The following SLC24A5 variants were observed in gnomAD, a reference collection of about 807,000 sequenced individuals.
The protein encoded by SLC24A5 is solute carrier family 24 member 5, also known as sodium/potassium/calcium exchanger 5.
In SLC24A5, 46 loss-of-function variants were observed where a neutral mutation model predicts 51.6. That is an observed-to-expected ratio of 0.89 (90% CI 0.70 to 1.14). The LOEUF (loss-of-function observed/expected upper bound fraction) is 1.14, where lower values mean the gene tolerates loss of function less well. Among genes scored for constraint, SLC24A5 ranks in the 50% most tolerant of loss-of-function variants. The probability of loss-of-function intolerance (pLI) is 0.00; values close to 1 mark genes in which losing one functional copy is unlikely to be tolerated. For missense variants in SLC24A5, 581 were observed against 604.1 expected, an observed-to-expected ratio of 0.96 and a Z score of 0.40; for synonymous variants, 230 against 214.9, an observed-to-expected ratio of 1.07 and a Z score of -0.62.
At chr15:48,135,212 A>T (rs554406418) in intron 5 of SLC24A5, 36 of 352,974 alleles carry the variant, frequency 1.0e-4, no homozygotes, top group Non-Finnish European at 1.6e-4. Flanking sequence ...CTCACTAGTC[A>T]CTGGAGACCA....
chr15:48,141,067 T>C, intron 7 of SLC24A5, 46 bp from the exon 8 acceptor site: 1 of 1,443,876 alleles, frequency 6.9e-7, no homozygotes, highest in Non-Finnish European at 9.7e-7. Flanking sequence ...AAAGGATGGT[T>C]AGTGAATCTT....
At chr15:48,132,733 T>A (rs2038804243) in intron 2 of SLC24A5, among the ~76,000 whole-genome samples, 1 of 152,046 alleles carries the variant, frequency 6.6e-6, no homozygotes, top group Admixed American at 6.6e-5. Flanking sequence ...ATTTTCAAAA[T>A]CTGGGGACTG....
Position 48,136,733 on chromosome 15 carries a change from T to G in SLC24A5, c.641T>G (p.Leu214Arg). The G allele has an allele frequency of 6.2e-7, 1 of 1,613,468 alleles. No individual in the cohort carries two copies. Among genetic ancestry groups the G allele is most frequent in the Non-Finnish European group, 8.5e-7 (1 of 1,179,704 alleles). ...LLIYGLYVLV[L>R]CFDIKINQYI... ...ATATATGGATTGTATGTTTTGGTGCTGTGTTTTGACATTAAAATTAACCAA... is the reference window on the plus strand; with the variant it reads ...ATATATGGATTGTATGTTTTGGTGCGGTGTTTTGACATTAAAATTAACCAA... The change falls in exon 6 of 9, where the codon CTG becomes CGG. Residue 214 changes from leucine (L) to arginine (R), a missense_variant. Leu to Arg is a moderately radical substitution (Grantham distance 102). Transcript: ENST00000341459.
intron 2 of SLC24A5, among the ~76,000 whole-genome samples, chr15:48,132,965 T>C (rs1282839242): frequency 6.6e-6 from 1 of 152,018 alleles, no homozygotes; most frequent in Non-Finnish European, 1.5e-5. Context: ...TATTGTAATA[T>C]ACAATCTGCC....
intron 5 of SLC24A5, 44 bp downstream of exon 5, chr15:48,135,028 G>T: frequency 6.8e-7 from 1 of 1,472,854 alleles, no homozygotes; most frequent in South Asian, 1.2e-5. Flanking sequence ...GAGATTTTAT[G>T]AATTTCTGAT....
At chr15:48,141,082 AT>A in intron 7 of SLC24A5, 30 bp from the exon 8 acceptor site, 1 of 1,550,422 alleles carries the variant, frequency 6.4e-7, no homozygotes, top group South Asian at 1.1e-5. Context: ...AATCTTTAAG[AT>A]TTGTAACTTG....
chr15:48,135,921 G>A (rs2038887389), intron 5 of SLC24A5: 1 of 152,096 alleles, frequency 6.6e-6, no homozygotes, highest in African/African-American at 2.4e-5. Flanking sequence ...GTGACTGTGA[G>A]AGTATCCAAG....
chr15:48,138,469 C>T (rs1282085070), intron 6 of SLC24A5: 1 of 152,104 alleles, frequency 6.6e-6, no homozygotes, highest in African/African-American at 2.4e-5. Context: ...AAAAAAACCA[C>T]TTCCACTAAG....
At chr15:48,134,396 A>C in intron 3 of SLC24A5, 39 bp from the exon 4 acceptor site, 2 of 1,609,358 alleles carry the variant, frequency 1.2e-6, no homozygotes, top group Non-Finnish European at 1.7e-6. Flanking sequence ...TATTTTCTTC[A>C]AGTTAACACT....
intron 5 of SLC24A5, 159 bp from the exon 6 acceptor site, chr15:48,136,524 C>G: frequency 1.7e-6 from 1 of 587,980 alleles, no homozygotes; most frequent in Non-Finnish European, 2.8e-6. Flanking sequence ...ATGCTGTAAT[C>G]AAGTCTGGAC....
In SLC24A5 at chr15:48,142,365, G is replaced by T; in HGVS notation, c.*14G>T. ...TGTGGAGGTTGATATTATTAATAGT[G>T]TTATGCAGAAAATATGAATGGCAGG... is the stretch of plus-strand genomic sequence containing the variant. On this transcript the variant is annotated 3_prime_UTR_variant, in exon 9 of 9. Coordinates refer to ENST00000341459, the MANE Select transcript of SLC24A5 (RefSeq NM_205850.3). 3 of 1,495,594 alleles carry T rather than the reference G, an allele frequency of 2.0e-6. No homozygotes were observed. The highest frequency in any genetic ancestry group is 2.7e-6 in the Non-Finnish European group (3 of 1,107,046). 92.6% of individuals were successfully genotyped at this position (1,495,594 alleles called of 1,614,324 possible).
At chr15:48,140,940 C>A in intron 7 of SLC24A5, 173 bp from the exon 8 acceptor site, 1 of 503,888 alleles carries the variant, frequency 2.0e-6, no homozygotes, top group Non-Finnish European at 3.6e-6. Flanking sequence ...CCCGAATTAC[C>A]AGCCTGATTC....
rs75375215 is a variant in SLC24A5, at chr15:48,133,181, C to T, written c.302-1077C>T. Among the ~76,000 whole-genome samples, 1,282 of 152,102 alleles carry T rather than the reference C, an allele frequency of 8.4e-3. 17 individuals carry two copies. Among genetic ancestry groups the T allele is most frequent in the African/African-American group, 0.03 (1,250 of 41,500 alleles). ...GTCAAAAACCAATAGGTATAGTAAA[C>T]GACAATAAACATCAACAAAGAGTTG... On this transcript the variant is annotated intron_variant, in intron 2 of 8. Coordinates refer to ENST00000341459, the MANE Select transcript of SLC24A5 (RefSeq NM_205850.3).
At chr15:48,124,849 C>T (rs1398744006) in intron 2 of SLC24A5, among the ~76,000 whole-genome samples, 1 of 152,156 alleles carries the variant, frequency 6.6e-6, no homozygotes, top group Non-Finnish European at 1.5e-5. Context: ...ACTGCCAAAT[C>T]TTCAGCTGTT....
intron 2 of SLC24A5, chr15:48,124,237 A>G (rs1193653781): frequency 6.6e-6 from 1 of 152,032 alleles, no homozygotes; most frequent in African/African-American, 2.4e-5. Context: ...TTTATTCTAC[A>G]TGCAGGATTT....
intron 2 of SLC24A5, among the ~76,000 whole-genome samples, chr15:48,128,701 C>T (rs1451035199): frequency 6.6e-6 from 1 of 152,122 alleles, no homozygotes; most frequent in Non-Finnish European, 1.5e-5. Flanking sequence ...CACACTCATT[C>T]TCCTAAGAGT....
intron 8 of SLC24A5, chr15:48,141,739 A>C (rs2039094791): frequency 4.7e-6 from 1 of 211,114 alleles, no homozygotes. Context: ...ATGTGTGTTA[A>C]ATAGTAATTA....
In SLC24A5 at chr15:48,142,025, G is replaced by A; in HGVS notation, c.1181-4G>A. The stretch of plus-strand genomic sequence containing the variant: ...CATTTTAACAGTATGCTTTTCTTTT[G>A]TAGGGAAAGGAGATATGGCTATGTC... On this transcript the variant is annotated splice_polypyrimidine_tract_variant and splice_region_variant and intron_variant, in intron 8 of 8. Transcript: ENST00000341459. 2 of 1,597,098 alleles carry A rather than the reference G, an allele frequency of 1.3e-6. No homozygotes were observed. Among genetic ancestry groups the A allele is most frequent in the Non-Finnish European group, 1.7e-6 (2 of 1,170,022 alleles).
At chr15:48,136,645 T>C (rs76246781) in intron 5 of SLC24A5, 38 bp from the exon 6 acceptor site, 1 of 1,552,390 alleles carries the variant, frequency 6.4e-7, no homozygotes, top group East Asian at 2.3e-5. Flanking sequence ...AAAATGACTT[T>C]CACTTTTAAT....
Sources: gnomAD v4.1 joint callset for allele counts (sites outside exome capture counted in the v4.1 genomes callset) on GRCh38, gnomAD v4.1.1 for gene constraint, MANE v1.5 for transcripts, NCBI Gene and HGNC (gene_info 2026-07-23, HGNC 2026-07-21) for gene names.